The following CAMK1G variants were observed in gnomAD, a reference collection of about 807,000 sequenced individuals.
CAMK1G encodes calcium/calmodulin-dependent protein kinase type 1G.
CAMK1G carries 27 observed loss-of-function variants against 54.8 expected under a neutral mutation model. The ratio of observed to expected loss-of-function variants is 0.49; its 90% confidence interval spans 0.36 to 0.68. The LOEUF is 0.68. CAMK1G is among the 30% of genes least tolerant of loss of function. CAMK1G has a pLI of 0.00. For missense variants in CAMK1G, 512 were observed against 591.0 expected (o/e 0.87, Z 1.39); for synonymous variants, 238 against 224.9 (o/e 1.06, Z -0.52).
intron 1 of CAMK1G, among the ~76,000 whole-genome samples, chr1:209,593,250 T>G (rs751572511): frequency 1.4e-4 from 21 of 152,240 alleles, no homozygotes; most frequent in Admixed American, 2.6e-4. Flanking sequence ...GAACAAACTT[T>G]CTTTTTGTTC....
Position 209,612,103 on chromosome 1 carries a change from G to A in CAMK1G, c.1227G>A (p.Gly409=), listed in dbSNP as rs746296778. The A allele has an allele frequency of 6.8e-6, 11 of 1,614,158 alleles. No homozygotes were observed. The highest frequency in any genetic ancestry group is 9.3e-6 in the Non-Finnish European group (11 of 1,179,978). The change falls in exon 11 of 13, where the codon GGG becomes GGA. Residue 409 remains glycine, a synonymous_variant. Transcript: ENST00000361322. The stretch of plus-strand genomic sequence containing the variant: ...GCAGCCTGGTGCCCATGCATCAGGG[G>A]TCCCTGGCCGCCGGGCCCTGTGGCT... ...ISSSLVPMHQ[G]SLAAGPCGCC... is the part of the protein sequence containing the mutation.
chr1:209,606,462 G>A lies in CAMK1G; in HGVS notation c.559+19G>A, dbSNP rs201992447. 71 of 1,611,778 alleles carry A rather than the reference G, an allele frequency of 4.4e-5. No individual in the cohort carries two copies. The highest frequency in any genetic ancestry group is 5.6e-5 in the Non-Finnish European group (66 of 1,178,752). ...TACGTGGGTAAGTCTGGGAGCAGGA[G>A]GAAGGTTGACCAGTTGGCTACATTC... On this transcript the variant is annotated intron_variant, in intron 6 of 12. Transcript: ENST00000361322.
chr1:209,596,887 T>G (rs1056102232), intron 2 of CAMK1G, among the ~76,000 whole-genome samples: 4 of 152,174 alleles, frequency 2.6e-5, no homozygotes, highest in Non-Finnish European at 5.9e-5. Context: ...AGATCCCTGG[T>G]CTCAGACCCA....
chr1:209,612,835 A>G lies in CAMK1G; in HGVS notation c.1391A>G (p.His464Arg). ...MVPVKASGSSHCRAGQTGVCL... is the reference protein window; with the variant it reads ...MVPVKASGSSRCRAGQTGVCL... ...CCAGTTAAAGCCAGTGGCAGCTCCCACTGCCGGGCAGGGCAGACTGGAGTC... is the reference window on the plus strand; with the variant it reads ...CCAGTTAAAGCCAGTGGCAGCTCCCGCTGCCGGGCAGGGCAGACTGGAGTC... The change falls in exon 12 of 13, where the codon CAC becomes CGC. Residue 464 changes from histidine (H) to arginine (R), a missense_variant. His to Arg is a conservative substitution (Grantham distance 29). Transcript: ENST00000361322. 1 of 1,613,924 alleles carries G rather than the reference A, an allele frequency of 6.2e-7. No homozygotes were observed.
intron 4 of CAMK1G, 113 bp downstream of exon 4, chr1:209,603,401 CTTCA>C (rs1212536857): frequency 2.5e-6 from 2 of 791,338 alleles, no homozygotes; most frequent in East Asian, 5.1e-5. Flanking sequence ...AAAATGAAGA[CTTCA>C]TTCAGGAGGC....
In CAMK1G at chr1:209,612,045, A is replaced by G; in HGVS notation, c.1169A>G (p.Asn390Ser). 6.2e-7 allele frequency: 1 copy of G among 1,614,144 alleles called. No homozygotes were observed. The change falls in exon 11 of 13, where the codon AAC becomes AGC. Residue 390 changes from asparagine (N) to serine (S), a missense_variant. Transcript: ENST00000361322. ...ACTGCCCCTGGTGGCAGGTCCCTCA[A>G]CTGCCTGGTCAATGGCTCCCTCCAC... ...RPTAPGGRSL[N>S]CLVNGSLHIS...
At chr1:209,603,512 C>T (rs1446304094) in intron 4 of CAMK1G, among the ~76,000 whole-genome samples, 1 of 152,162 alleles carries the variant, frequency 6.6e-6, no homozygotes, top group South Asian at 2.1e-4. Context: ...TTATTAAGCT[C>T]CTTTGCACCA....
intron 1 of CAMK1G, among the ~76,000 whole-genome samples, chr1:209,588,271 C>T (rs1445275129): frequency 6.6e-6 from 1 of 152,160 alleles, no homozygotes; most frequent in Non-Finnish European, 1.5e-5. Context: ...TTTGTCCATG[C>T]CCAGTTTAGG....
rs953937040 is a variant in CAMK1G, at chr1:209,601,886, T to C, written c.222-1328T>C. Among the ~76,000 whole-genome samples the C allele has an allele frequency of 9.9e-5, 15 of 152,208 alleles. 1 individual carries two copies. The South Asian group carries it at 1.4e-3, about 15-fold the overall frequency. On this transcript the variant is annotated intron_variant, in intron 3 of 12. Transcript: ENST00000361322. ...CTTTTCAGACAAGGAAAGTAAAGAT[T>C]TGAAAACTGGAATAAGCCAGCTGAA...
intron 5 of CAMK1G, 67 bp from the exon 6 acceptor site, chr1:209,606,253 A>G (rs1341794942): frequency 6.3e-6 from 10 of 1,579,098 alleles, no homozygotes; most frequent in East Asian, 4.5e-5. Flanking sequence ...GAAATTTTGT[A>G]TCAAGGGGAA....
At chr1:209,606,055 G>A (rs1571783861) in intron 5 of CAMK1G, among the ~76,000 whole-genome samples, 1 of 152,232 alleles carries the variant, frequency 6.6e-6, no homozygotes, top group East Asian at 1.9e-4. Context: ...AACACAAACA[G>A]GGTAGTTGGA....
chr1:209,609,088 G>A lies in CAMK1G; in HGVS notation c.744G>A (p.Glu248=), dbSNP rs191863683. The change falls in exon 8 of 13, where the codon GAG becomes GAA. Residue 248 remains glutamate (E), a synonymous_variant. Coordinates refer to ENST00000361322, the MANE Select transcript of CAMK1G (RefSeq NM_020439.3). The part of the protein sequence containing the change: ...FESPFWDDIS[E]SAKDFICHLL... ...CTCCATTCTGGGATGACATTTCTGAGTCAGGTAAGGCCAGTAGGCATGAAG... is the reference window on the plus strand; with the variant it reads ...CTCCATTCTGGGATGACATTTCTGAATCAGGTAAGGCCAGTAGGCATGAAG... 80 of 1,614,172 alleles carry A rather than the reference G, an allele frequency of 5.0e-5. No homozygotes were observed. The highest frequency in any genetic ancestry group is 6.4e-5 in the Non-Finnish European group (75 of 1,180,014).
intron 1 of CAMK1G, among the ~76,000 whole-genome samples, chr1:209,592,986 A>C (rs546277804): frequency 1.3e-5 from 2 of 152,350 alleles, no homozygotes; most frequent in South Asian, 4.1e-4. Context: ...ATTGTAGCAG[A>C]ACAGAAAAAA....
chr1:209,611,617 G>C, intron 10 of CAMK1G, 65 bp downstream of exon 10: 1 of 1,520,648 alleles, frequency 6.6e-7, no homozygotes. Flanking sequence ...GCTGGCAGGG[G>C]CTGACATAAG....
Position 209,601,339 on chromosome 1 carries a change from C to T in CAMK1G, c.221+1228C>T, listed in dbSNP as rs182960625. ...TTTGGGGTTGACTAGTGAAAGTATA[C>T]AGGACAAAAGCATAAAAAGAGACCC... On this transcript the variant is annotated intron_variant, in intron 3 of 12. Transcript: ENST00000361322. Among the ~76,000 whole-genome samples the T allele has an allele frequency of 9.9e-5, 15 of 152,234 alleles. No homozygotes were observed. The East Asian group carries it at 1.4e-3, about 14-fold the overall frequency.
chr1:209,612,794 G>A lies in CAMK1G; in HGVS notation c.1350G>A (p.Lys450=). ...LKKANKKQNF[K]SEVMVPVKAS... ...TTCATTTCCTTTCTAGGAACTTCAA[G>A]TCGGAGGTCATGGTACCAGTTAAAG... Residue 450 remains lysine (K), a synonymous_variant, in exon 12 of 13, where the codon AAG becomes AAA. Coordinates refer to ENST00000361322, the MANE Select transcript of CAMK1G (RefSeq NM_020439.3). 1 of 1,614,062 alleles carries A rather than the reference G, an allele frequency of 6.2e-7. No homozygotes were observed. Among genetic ancestry groups the A allele is most frequent in the Non-Finnish European group, 8.5e-7 (1 of 1,179,946 alleles).
intron 3 of CAMK1G, among the ~76,000 whole-genome samples, chr1:209,601,962 G>T (rs977700280): frequency 6.6e-6 from 1 of 152,174 alleles, no homozygotes; most frequent in Non-Finnish European, 1.5e-5. Context: ...CTGACTCTGA[G>T]CCTAAGTCCT....
At chr1:209,588,554 T>G (rs1665164336) in intron 1 of CAMK1G, among the ~76,000 whole-genome samples, 1 of 152,160 alleles carries the variant, frequency 6.6e-6, no homozygotes, top group East Asian at 1.9e-4. Flanking sequence ...TGGCTGCAAC[T>G]CAAATAGAAA....
rs1466273377 is a variant in CAMK1G, at chr1:209,605,654, A to G, written c.415A>G (p.Ile139Val). 6.2e-7 allele frequency: 1 copy of G among 1,613,842 alleles called. No homozygotes were observed. Among genetic ancestry groups the G allele is most frequent in the Non-Finnish European group, 8.5e-7 (1 of 1,179,984 alleles). ...SAVKYLHENG[I>V]VHRDLKPENL... ...AGTGAAATACCTACATGAGAATGGC[A>G]TCGTCCACAGAGACTTAAAGGTGTC... The change falls in exon 5 of 13, where the codon ATC becomes GTC. Residue 139 changes from isoleucine (I) to valine (V), a missense_variant. Coordinates refer to ENST00000361322, the MANE Select transcript of CAMK1G (RefSeq NM_020439.3).
Sources: allele counts gnomAD v4.1 joint callset (sites outside exome capture counted in the v4.1 genomes callset), GRCh38; gene constraint gnomAD v4.1.1; transcripts MANE v1.5; gene names NCBI Gene and HGNC (gene_info 2026-07-23, HGNC 2026-07-21).